Variants in LIPE observed in about 807,000 individuals in gnomAD.
The protein encoded by LIPE is lipase E, hormone sensitive type.
In LIPE, 66 loss-of-function variants were observed where a neutral mutation model predicts 88.5. The observed-to-expected ratio is 0.75, with a 90% CI of 0.61 to 0.91. The LOEUF (loss-of-function observed/expected upper bound fraction) is 0.91, where lower values mean the gene tolerates loss of function less well. LIPE is among the 40% of genes least tolerant of loss of function. The pLI is 0.00. For missense variants in LIPE, 1,346 were observed against 1,434.7 expected (o/e 0.94, Z 1.00); for synonymous variants, 570 against 617.5 (o/e 0.92, Z 1.14).
Position 42,406,244 on chromosome 19 carries a change from G to A in LIPE, c.2282C>T (p.Ala761Val), listed in dbSNP as rs1296210753. 12 of 1,613,648 alleles carry A rather than the reference G, an allele frequency of 7.4e-6. No individual in the cohort carries two copies. In the Middle Eastern group the frequency reaches 9.9e-4, roughly 134 times the overall value. Residue 761 changes from alanine to valine, a missense_variant, in exon 7 of 10, where the codon GCC (alanine) becomes GTC (valine). Ala to Val is a moderately conservative substitution (Grantham distance 64). Transcript: ENST00000244289. This position sits in a 1 kb window ranked among gnomAD's most constrained non-coding sequence, Gnocchi z 5.7. ...AAYPATMLQP[A>V]ASPSRLLSLM... ...GCTCAGCAGGCGGGAGGGAGAGGCG[G>A]CAGGCTGCAGCATTGTGGCCGGGTA...
chr19:42,404,134 G>A (rs1372171578), intron 8 of LIPE, among the ~76,000 whole-genome samples: 10 of 149,878 alleles, frequency 6.7e-5, no homozygotes, highest in Non-Finnish European at 1.5e-4. Context: ...GTGCGATCTC[G>A]GCTCACTGTA....
At chr19:42,419,837 AG>A (rs2040561450) in intron 1 of LIPE, among the ~76,000 whole-genome samples, 1 of 151,970 alleles carries the variant, frequency 6.6e-6, no homozygotes, top group Admixed American at 6.6e-5. Flanking sequence ...TGTGCATAAA[AG>A]AGCAAACGTT....
rs2040225665 is a variant in LIPE, at chr19:42,407,528, C to G, written c.1843-60G>C. The stretch of plus-strand genomic sequence containing the variant: ...GGGAGAGCTGGCCAGGGCTGCACCC[C>G]TCCATGGGGATGCCAAGGTGGGGGC... On this transcript the variant is annotated intron_variant, in intron 5 of 9. Coordinates refer to ENST00000244289, the MANE Select transcript of LIPE (RefSeq NM_005357.4). This position sits in a 1 kb window ranked among gnomAD's most constrained non-coding sequence, Gnocchi z 5.8. 3 of 1,579,680 alleles carry G rather than the reference C, an allele frequency of 1.9e-6. No individual in the cohort carries two copies. The highest frequency in any genetic ancestry group is 2.6e-6 in the Non-Finnish European group (3 of 1,159,416).
At position 42,407,387 on chromosome 19, in the gene LIPE, G is replaced by C; in HGVS notation, c.1924C>G (p.Arg642Gly). ...AAGTGCACTATCAGGGACCGCGAGC[G>C]GGGTGCCTGCTGGGGGCGCGGCCAC... ...ELWPRPQQAPRSRSLIVHFHG... is the reference protein window; with the variant it reads ...ELWPRPQQAPGSRSLIVHFHG... Residue 642 changes from arginine (R) to glycine (G), a missense_variant, in exon 6 of 10, where the codon CGC (arginine) becomes GGC (glycine). Physicochemically the swap from Arg to Gly is moderately radical, Grantham distance 125. Transcript: ENST00000244289. The surrounding 1 kb of genome is among the most constrained non-coding windows in gnomAD (Gnocchi z 5.8). 5 of 1,613,558 alleles carry C rather than the reference G, an allele frequency of 3.1e-6. No homozygotes were observed. The highest frequency in any genetic ancestry group is 4.5e-5 in the East Asian group (2 of 44,878).
rs2040448117 is a variant in LIPE at position 42,414,351 on chromosome 19, A to G, written c.884-3509T>C. Among the ~76,000 whole-genome samples, 1 of 152,228 alleles carries G rather than the reference A, an allele frequency of 6.6e-6. No individual in the cohort carries two copies. The highest frequency in any genetic ancestry group is 2.4e-5 in the African/African-American group (1 of 41,460). On this transcript the variant is annotated intron_variant, in intron 1 of 9. Coordinates refer to ENST00000244289, the MANE Select transcript of LIPE (RefSeq NM_005357.4). The surrounding 1 kb of genome is among the most constrained non-coding windows in gnomAD (Gnocchi z 4.6). Reference sequence around the variant, plus strand: ...AAAGAAAAGGAAAGAAAGATGGCCCAAGCCCTTGCTGGCGACCCTGGATGA... The same window carrying G: ...AAAGAAAAGGAAAGAAAGATGGCCCGAGCCCTTGCTGGCGACCCTGGATGA...
At position 42,426,735 on chromosome 19, in the gene LIPE, G is replaced by A; in HGVS notation, c.415C>T (p.Pro139Ser). ...GGTGGCTCTCCTGGCCCAGGCCCTGGCTGGGCTACATGTCTTTGTCTCAAT... is the reference window on the plus strand; with the variant it reads ...GGTGGCTCTCCTGGCCCAGGCCCTGACTGGGCTACATGTCTTTGTCTCAAT... ...PALRQRHVAQ[P>S]GPGPGEPPPA... Residue 139 changes from proline to serine, a missense_variant, in exon 1 of 10, where the codon CCA becomes TCA. Coordinates refer to ENST00000244289, the MANE Select transcript of LIPE (RefSeq NM_005357.4). 4 of 1,614,202 alleles carry A rather than the reference G, an allele frequency of 2.5e-6. No homozygotes were observed. Among genetic ancestry groups the A allele is most frequent in the South Asian group, 2.2e-5 (2 of 91,086 alleles).
chr19:42,409,261 G>T (rs928135742), intron 2 of LIPE, among the ~76,000 whole-genome samples: 3 of 152,090 alleles, frequency 2.0e-5, no homozygotes, highest in Admixed American at 6.5e-5. Context: ...GTTAAGGAAA[G>T]ACAGTGGGGT....
In LIPE at chr19:42,408,915, G is replaced by T. The variant is rs1568602432; in HGVS notation, c.1420-593C>A. The stretch of plus-strand genomic sequence containing the variant: ...GTGGCTGGAGCAGAGTGAGCAGTGG[G>T]GAGAGGGGCAGGTGGTGACATTGGA... On this transcript the variant is annotated intron_variant, in intron 2 of 9. Transcript: ENST00000244289. The surrounding 1 kb of genome is among the most constrained non-coding windows in gnomAD (Gnocchi z 4.3). Among the ~76,000 whole-genome samples the T allele has an allele frequency of 6.6e-6, 1 of 152,114 alleles. No individual in the cohort carries two copies. Among genetic ancestry groups the T allele is most frequent in the Non-Finnish European group, 1.5e-5 (1 of 68,026 alleles).
Position 42,401,620 on chromosome 19 carries a change from C to A in LIPE, c.*192G>T, listed in dbSNP as rs958195152. ...CAGCAGCAGCAAAAGGCAGCGGTGGCGTGCAGGTCCAGCCGTCTCGGTGAC... is the reference window on the plus strand; with the variant it reads ...CAGCAGCAGCAAAAGGCAGCGGTGGAGTGCAGGTCCAGCCGTCTCGGTGAC... On this transcript the variant is annotated 3_prime_UTR_variant, in exon 10 of 10. Transcript: ENST00000244289. 2.1e-5 allele frequency: 11 copies of A among 532,216 alleles called. No homozygotes were observed. Among genetic ancestry groups the A allele is most frequent in the Non-Finnish European group, 3.6e-5 (11 of 309,708 alleles). 33.0% of individuals were successfully genotyped at this position (532,216 alleles called of 1,614,324 possible).
chr19:42,409,291 C>A (rs1275471725), intron 2 of LIPE, among the ~76,000 whole-genome samples: 1 of 151,800 alleles, frequency 6.6e-6, no homozygotes, highest in Non-Finnish European at 1.5e-5. Context: ...GTGGCTCATG[C>A]CTGTAAACCC....
At chr19:42,402,163 A>G in intron 9 of LIPE, 88 bp from the exon 10 acceptor site, 6 of 1,286,536 alleles carry the variant, frequency 4.7e-6, no homozygotes, top group Non-Finnish European at 6.1e-6. Context: ...TGATGAACAA[A>G]GGGAGCGGGA....
At position 42,414,312 on chromosome 19, in the gene LIPE, GAAAGGAAAGAAGAAAAGA is replaced by G. The variant is rs560265013; in HGVS notation, c.884-3488_884-3471del. 8.1e-3 allele frequency among the ~76,000 whole-genome samples: 1,226 copies of G among 152,158 alleles called. 5 individuals carry two copies. The highest frequency in any genetic ancestry group is 0.014 in the Non-Finnish European group (973 of 67,982). ...AAAGAAAGGAAAGGAAGGAAAGAAAGAAAGGAAAGAAGAAAAGAAAAGGAAAGAAAGATGGCCCAAGCC... is the reference window on the plus strand; with the variant it reads ...AAAGAAAGGAAAGGAAGGAAAGAAAGAAAGGAAAGAAAGATGGCCCAAGCC... On this transcript the variant is annotated intron_variant, in intron 1 of 9. Transcript: ENST00000244289. This position sits in a 1 kb window ranked among gnomAD's most constrained non-coding sequence, Gnocchi z 4.6.
At position 42,407,145 on chromosome 19, in the gene LIPE, G is replaced by C; in HGVS notation, c.2137+29C>G. On this transcript the variant is annotated intron_variant, in intron 6 of 9. Transcript: ENST00000244289. This position sits in a 1 kb window ranked among gnomAD's most constrained non-coding sequence, Gnocchi z 5.8. ...CAAGCTGGGTGGGATGGGAGCAGGC[G>C]CAGGTGGCTGTGGGGGCCTGAGGCT... 2 of 1,469,252 alleles carry C rather than the reference G, an allele frequency of 1.4e-6. No individual in the cohort carries two copies. The highest frequency in any genetic ancestry group is 9.0e-7 in the Non-Finnish European group (1 of 1,108,744). The allele number at this position is 1,469,252 out of a possible 1,614,324, so 91.0% of individuals were successfully genotyped here. A position where few individuals can be genotyped will look rare whatever the true frequency, so the allele number is the denominator to read the frequency against.
chr19:42,401,978 A>G lies in LIPE; in HGVS notation c.3065T>C (p.Leu1022Pro), dbSNP rs1198854902. The change falls in exon 10 of 10, where the codon CTG becomes CCG. Residue 1022 changes from leucine (L) to proline (P), a missense_variant. Transcript: ENST00000244289. ...QPVTLRVVEDLPHGFLTLAAL... is the reference protein window; with the variant it reads ...QPVTLRVVEDPPHGFLTLAAL... ...CGCTAGGGTCAGGAAGCCGTGCGGC[A>G]GGTCCTCCACCACGCGCAGCGTCAC... The G allele has an allele frequency of 6.4e-7, 1 of 1,556,788 alleles. No homozygotes were observed. Among genetic ancestry groups the G allele is most frequent in the South Asian group, 1.2e-5 (1 of 84,558 alleles).
intron 1 of LIPE, among the ~76,000 whole-genome samples, chr19:42,422,830 G>T (rs1285640299): frequency 6.6e-6 from 1 of 152,176 alleles, no homozygotes; most frequent in Non-Finnish European, 1.5e-5. Flanking sequence ...TAGGGGTCAG[G>T]GCTAGGCCCC....
Position 42,427,049 on chromosome 19 carries a change from A to G in LIPE, c.101T>C (p.Ile34Thr), listed in dbSNP as rs374784622. The change falls in exon 1 of 10, where the codon ATA becomes ACA. Residue 34 changes from isoleucine (I) to threonine (T), a missense_variant. Transcript: ENST00000244289. The part of the protein sequence containing the change: ...PLEPGPEKTP[I>T]AQPESKTLQG... ...CAGAGTCTTCGATTCTGGCTGGGCT[A>G]TGGGTGTCTTTTCTGGCCCAGGCTC... is the stretch of plus-strand genomic sequence containing the variant. 8.1e-6 allele frequency: 13 copies of G among 1,613,646 alleles called. No individual in the cohort carries two copies. The highest frequency in any genetic ancestry group is 3.3e-5 in the South Asian group (3 of 91,032).
chr19:42,415,798 A>G (rs1231619667), intron 1 of LIPE, among the ~76,000 whole-genome samples: 1 of 150,008 alleles, frequency 6.7e-6, no homozygotes, highest in Non-Finnish European at 1.5e-5. Flanking sequence ...TGACAGAGTG[A>G]GACTCCGTCT....
At chr19:42,424,733 C>A (rs1011294762) in intron 1 of LIPE, 1 of 417,236 alleles carries the variant, frequency 2.4e-6, no homozygotes. Context: ...TTTTTCCCCC[C>A]ACATCAGGGG....
chr19:42,406,158 C>A lies in LIPE; in HGVS notation c.2365+3G>T. ...GTTTCCCTGCTGAGGGTGTGGGCCT[C>A]ACCAGCATAGGCGCTGACACACTTG... is the stretch of plus-strand genomic sequence containing the variant. On this transcript the variant is annotated splice_donor_region_variant and intron_variant, in intron 7 of 9. Transcript: ENST00000244289. The surrounding 1 kb of genome is among the most constrained non-coding windows in gnomAD (Gnocchi z 5.7). The A allele has an allele frequency of 6.2e-7, 1 of 1,601,204 alleles. No homozygotes were observed. The highest frequency in any genetic ancestry group is 8.5e-7 in the Non-Finnish European group (1 of 1,169,808).
Sources: gnomAD v4.1 joint callset for allele counts (sites outside exome capture counted in the v4.1 genomes callset) on GRCh38, gnomAD v4.1.1 for gene constraint, Gnocchi (gnomAD v3.1) non-coding constraint, MANE v1.5 for transcripts, NCBI Gene and HGNC (gene_info 2026-07-23, HGNC 2026-07-21) for gene names.